BPIFC: variants seen among roughly 807,000 people sequenced by gnomAD.
BPIFC encodes the protein BPI fold-containing family C protein.
Under a neutral mutation model 57.6 loss-of-function variants are expected in BPIFC, and 60 were observed. That is an observed-to-expected ratio of 1.04 (90% CI 0.85 to 1.29). BPIFC has a LOEUF of 1.29. Ranked by LOEUF, BPIFC falls within the 50% of genes most tolerant of loss-of-function variation. The pLI is 0.00. For synonymous variants in BPIFC, 243 were observed against 224.5 expected (o/e 1.08, Z -0.74); for missense variants, 581 against 600.5 (o/e 0.97, Z 0.34).
intron 16 of BPIFC, 80 bp from the exon 17 acceptor site, chr22:32,414,505 T>C (rs1933613614): frequency 6.7e-7 from 1 of 1,499,450 alleles, no homozygotes; most frequent in African/African-American, 1.4e-5. Flanking sequence ...AAGAGATGGC[T>C]TCTTTTTTTT....
intron 12 of BPIFC, 25 bp from the exon 13 acceptor site, chr22:32,431,439 A>ATTTATTTATTTATTTATTTATTTATTT: frequency 1.5e-6 from 2 of 1,343,078 alleles, no homozygotes; most frequent in Non-Finnish European, 2.1e-6. Context: ...AGCATTTATT[A>ATTTATTTATTTATTTATTTATTTATTT]TTAAGACGAG....
Position 32,457,355 on chromosome 22 carries a change from C to T in BPIFC, c.32G>A (p.Gly11Glu). 6.2e-7 allele frequency: 1 copy of T among 1,610,368 alleles called. No homozygotes were observed. Among genetic ancestry groups the T allele is most frequent in the South Asian group, 1.1e-5 (1 of 90,360 alleles). MCTKTIPVLW[G>E]CFLLWNLYVS... is the part of the protein sequence containing the mutation. Reference sequence around the variant, plus strand: ...ATAGAGATTCCACAGGAGGAAACATCCCCAGAGGACTGGGATTGTCTTTGT... The same window carrying T: ...ATAGAGATTCCACAGGAGGAAACATTCCCAGAGGACTGGGATTGTCTTTGT... The change falls in exon 3 of 17, where the codon GGA becomes GAA. Residue 11 changes from glycine to glutamate, a missense_variant. Transcript: ENST00000300399.
intron 13 of BPIFC, among the ~76,000 whole-genome samples, chr22:32,422,401 G>A (rs1053150452): frequency 6.6e-6 from 1 of 152,096 alleles, no homozygotes; most frequent in African/African-American, 2.4e-5. Context: ...CAGACTTGCT[G>A]CAGAGACTCT....
chr22:32,427,349 C>T (rs1437414263), intron 13 of BPIFC, among the ~76,000 whole-genome samples: 1 of 152,176 alleles, frequency 6.6e-6, no homozygotes, highest in African/African-American at 2.4e-5. Context: ...TTTGCACCTT[C>T]TTGCCACAAC....
At chr22:32,422,967 A>T (rs1933891798) in intron 13 of BPIFC, among the ~76,000 whole-genome samples, 1 of 152,216 alleles carries the variant, frequency 6.6e-6, no homozygotes, top group Non-Finnish European at 1.5e-5. Context: ...AGCACATAAT[A>T]GGTTCTCAGT....
At chr22:32,428,017 AG>A (rs1934115681) in intron 13 of BPIFC, among the ~76,000 whole-genome samples, 1 of 151,902 alleles carries the variant, frequency 6.6e-6, no homozygotes, top group South Asian at 2.1e-4. Flanking sequence ...AAAACAAAAA[AG>A]AACTGCCAGA....
At chr22:32,423,899 G>A (rs141535912) in intron 13 of BPIFC, among the ~76,000 whole-genome samples, 10 of 148,632 alleles carry the variant, frequency 6.7e-5, no homozygotes, top group African/African-American at 2.4e-4. Flanking sequence ...AAGTATGTTT[G>A]GAACAACTCT....
intron 8 of BPIFC, 128 bp downstream of exon 8, chr22:32,442,543 C>T: frequency 2.2e-6 from 2 of 891,654 alleles, no homozygotes; most frequent in East Asian, 5.2e-5. Flanking sequence ...CTTCCCGGGG[C>T]TCTAATTTGC....
chr22:32,461,491 G>T, intron 2 of BPIFC, 83 bp downstream of exon 2: 1 of 709,466 alleles, frequency 1.4e-6, no homozygotes, highest in Non-Finnish European at 1.7e-6. Context: ...TGGTGAGTGG[G>T]ATAAGGGGGT....
rs1252901145 is a variant in BPIFC, at chr22:32,424,607, C to T, written c.1218-5203G>A. On this transcript the variant is annotated intron_variant, in intron 13 of 16. Coordinates refer to ENST00000300399, the MANE Select transcript of BPIFC (RefSeq NM_174932.3). ...TCTTCTTCTTCTTCTTCTTCTCCTC[C>T]TCCTCCTCCTCCTCCTCCTCCTCTT... 5.9e-4 allele frequency among the ~76,000 whole-genome samples: 33 copies of T among 55,580 alleles called. 9 individuals are homozygous for T. Among genetic ancestry groups the T allele is most frequent in the Middle Eastern group, 0.016 (2 of 124 alleles). The allele number at this position is 55,580 out of a possible 152,430, so 36.5% of individuals were successfully genotyped here.
At chr22:32,417,012 C>T in intron 15 of BPIFC, 73 bp downstream of exon 15, 5 of 1,245,548 alleles carry the variant, frequency 4.0e-6, no homozygotes, top group Non-Finnish European at 5.9e-6. Flanking sequence ...CCCAAACAAT[C>T]CCCAGTGCAG....
chr22:32,417,982 T>C (rs557623773), intron 14 of BPIFC, among the ~76,000 whole-genome samples: 32 of 152,308 alleles, frequency 2.1e-4, no homozygotes, highest in African/African-American at 6.7e-4. Flanking sequence ...ACTTTTGCAG[T>C]TGGGACCTCA....
chr22:32,456,619 A>T (rs1252536866), intron 3 of BPIFC, among the ~76,000 whole-genome samples: 4 of 152,140 alleles, frequency 2.6e-5, no homozygotes, highest in African/African-American at 4.8e-5. Context: ...CCCTTAGCTA[A>T]TCTCAAGTAA....
intron 16 of BPIFC, among the ~76,000 whole-genome samples, chr22:32,415,354 A>C (rs958939662): frequency 9.2e-5 from 14 of 152,186 alleles, no homozygotes; most frequent in Non-Finnish European, 2.9e-5. Context: ...TTTCTTTAGA[A>C]ACATATTTCC....
rs191822479 is a variant in BPIFC at position 32,437,535 on chromosome 22, T to C, written c.747+225A>G. 1.3e-3 allele frequency among the ~76,000 whole-genome samples: 194 copies of C among 152,266 alleles called. 1 individual carries two copies. Among genetic ancestry groups the C allele is most frequent in the African/African-American group, 4.2e-3 (176 of 41,572 alleles). ...CTTCCCAAACAGCTGGGAATGCAGCTGTGTGCCACCACACTGGCTAATTTT... is the reference window on the plus strand; with the variant it reads ...CTTCCCAAACAGCTGGGAATGCAGCCGTGTGCCACCACACTGGCTAATTTT... On this transcript the variant is annotated intron_variant, in intron 9 of 16. Transcript: ENST00000300399.
chr22:32,457,160 C>T (rs1935054779), intron 3 of BPIFC, 103 bp downstream of exon 3: 12 of 1,343,914 alleles, frequency 8.9e-6, no homozygotes, highest in Admixed American at 8.1e-5. Context: ...CACAGTACGG[C>T]GTTTCTCAGT....
intron 13 of BPIFC, among the ~76,000 whole-genome samples, chr22:32,424,019 T>C (rs1380161624): frequency 1.4e-5 from 2 of 147,198 alleles, no homozygotes; most frequent in African/African-American, 4.9e-5. Flanking sequence ...GGTCAAAATT[T>C]GATCTTAGAA....
chr22:32,452,408 C>T (rs1934919463), intron 4 of BPIFC, among the ~76,000 whole-genome samples: 1 of 151,966 alleles, frequency 6.6e-6, no homozygotes, highest in African/African-American at 2.4e-5. Flanking sequence ...AGGCCAAAGG[C>T]GGCCGATCAC....
chr22:32,433,344 T>C (rs1934300755), intron 11 of BPIFC, among the ~76,000 whole-genome samples: 1 of 152,232 alleles, frequency 6.6e-6, no homozygotes, highest in Non-Finnish European at 1.5e-5. Context: ...CTTAGTGTGC[T>C]ACGAAGGCAC....
Sources: allele counts gnomAD v4.1 joint callset (sites outside exome capture counted in the v4.1 genomes callset), GRCh38; gene constraint gnomAD v4.1.1; transcripts MANE v1.5; gene names NCBI Gene and HGNC (gene_info 2026-07-23, HGNC 2026-07-21).